Variants in FOXP1 observed in about 807,000 individuals in gnomAD.
The protein encoded by FOXP1 is forkhead box protein P1.
FOXP1 carries 15 observed loss-of-function variants against 98.2 expected under a neutral mutation model. That is an observed-to-expected ratio of 0.15 (90% confidence interval 0.10 to 0.24). The LOEUF (loss-of-function observed/expected upper bound fraction) is 0.24, where lower values mean the gene tolerates loss of function less well. Ranked by LOEUF, FOXP1 falls within the 10% of genes least tolerant of loss-of-function variation. The probability of loss-of-function intolerance (pLI) is 1.00; values close to 1 mark genes in which losing one functional copy is unlikely to be tolerated. For missense variants in FOXP1, 633 were observed against 848.5 expected, an observed-to-expected ratio of 0.75 and a Z score of 3.15; for synonymous variants, 371 against 314.5, an observed-to-expected ratio of 1.18 and a Z score of -1.90.
chr3:71,102,160 G>C (rs2057022231), intron 7 of FOXP1, among the ~76,000 whole-genome samples: 1 of 152,078 alleles, frequency 6.6e-6, no homozygotes, highest in Non-Finnish European at 1.5e-5. Context: ...TTAAAATTTT[G>C]AGAGCGACTA....
At chr3:71,233,737 G>C (rs2066537483) in intron 5 of FOXP1, among the ~76,000 whole-genome samples, 1 of 151,590 alleles carries the variant, frequency 6.6e-6, no homozygotes, top group Non-Finnish European at 1.5e-5. Flanking sequence ...TCTGATTCCT[G>C]GGGACCCCAA....
At chr3:71,441,259 C>T (rs895442545) in intron 3 of FOXP1, among the ~76,000 whole-genome samples, 8 of 152,182 alleles carry the variant, frequency 5.3e-5, no homozygotes, top group Admixed American at 3.3e-4. Flanking sequence ...TTAACCCCTA[C>T]GGGACATACA....
At chr3:71,264,420 G>A (rs1357191657) in intron 5 of FOXP1, among the ~76,000 whole-genome samples, 1 of 152,168 alleles carries the variant, frequency 6.6e-6, no homozygotes, top group Non-Finnish European at 1.5e-5. Context: ...CATAATTCCA[G>A]AGTGCACTCA....
At chr3:70,979,713 C>CAAAG (rs1229263669) in intron 14 of FOXP1, among the ~76,000 whole-genome samples, 1 of 147,434 alleles carries the variant, frequency 6.8e-6, no homozygotes, top group Non-Finnish European at 1.5e-5. Flanking sequence ...AGATCATAAT[C>CAAAG]AAAGAACTTA....
intron 6 of FOXP1, among the ~76,000 whole-genome samples, chr3:71,116,195 T>C (rs763788277): frequency 6.6e-6 from 1 of 152,182 alleles, no homozygotes; most frequent in Non-Finnish European, 1.5e-5. Flanking sequence ...ATTCTTCTGG[T>C]TTGAAGGGGG....
At chr3:71,077,548 C>A (rs2053926343) in intron 7 of FOXP1, among the ~76,000 whole-genome samples, 1 of 152,146 alleles carries the variant, frequency 6.6e-6, no homozygotes, top group Non-Finnish European at 1.5e-5. Context: ...GGTCACCAAC[C>A]TAGCCATCTT....
At chr3:71,148,481 C>T (rs1008646320) in intron 6 of FOXP1, among the ~76,000 whole-genome samples, 48 of 152,148 alleles carry the variant, frequency 3.2e-4, no homozygotes, top group Admixed American at 8.5e-4. Context: ...ATTTGTTTTA[C>T]TGATTTGTTT....
At chr3:71,368,132 A>ATTTC (rs1307071690) in intron 3 of FOXP1, among the ~76,000 whole-genome samples, 5 of 151,784 alleles carry the variant, frequency 3.3e-5, no homozygotes, top group Non-Finnish European at 7.4e-5. Context: ...TTATTTATTT[A>ATTTC]TTTATTTTTT....
intron 5 of FOXP1, among the ~76,000 whole-genome samples, chr3:71,276,659 C>T (rs57614279): frequency 0.12 from 18,036 of 152,018 alleles, 1,471 homozygotes; most frequent in East Asian, 0.45. Context: ...CATGGTGATG[C>T]ATAGATACAG....
At chr3:70,967,692 T>TTTTTTTG in intron 19 of FOXP1, among the ~76,000 whole-genome samples, 6 of 120,032 alleles carry the variant, frequency 5.0e-5, no homozygotes, top group African/African-American at 2.3e-4. Flanking sequence ...TATTTGTTTT[T>TTTTTTTG]TTTTTTTGTT....
intron 11 of FOXP1, among the ~76,000 whole-genome samples, chr3:71,023,405 C>T (rs1034009106): frequency 6.6e-6 from 1 of 152,160 alleles, no homozygotes; most frequent in Non-Finnish European, 1.5e-5. Flanking sequence ...AAATCAGACA[C>T]CTTGGGTTTC....
intron 4 of FOXP1, chr3:71,332,320 A>G (rs1361752739): frequency 6.4e-6 from 1 of 156,070 alleles, no homozygotes; most frequent in Non-Finnish European, 1.4e-5. Context: ...TGAGCCAGCG[A>G]GACCACGAAC....
chr3:71,453,458 T>G (rs1322706788), intron 3 of FOXP1, among the ~76,000 whole-genome samples: 1 of 152,190 alleles, frequency 6.6e-6, no homozygotes, highest in East Asian at 1.9e-4. Flanking sequence ...AAAGCAGATT[T>G]GCAGTGTGAT....
intron 13 of FOXP1, among the ~76,000 whole-genome samples, chr3:70,995,594 G>A (rs2041251874): frequency 1.3e-5 from 2 of 152,288 alleles, no homozygotes; most frequent in African/African-American, 2.4e-5. Flanking sequence ...TATGTGTATA[G>A]TATAAGGAAC....
chr3:71,009,388 AC>A (rs1407116508), intron 12 of FOXP1, among the ~76,000 whole-genome samples: 1 of 152,070 alleles, frequency 6.6e-6, no homozygotes, highest in African/African-American at 2.4e-5. Flanking sequence ...CTGCTTTTGT[AC>A]CCCAATGGCA....
At chr3:71,258,305 A>T (rs1216747948) in intron 5 of FOXP1, among the ~76,000 whole-genome samples, 1 of 152,300 alleles carries the variant, frequency 6.6e-6, no homozygotes, top group East Asian at 1.9e-4. Context: ...GATGAGTAGG[A>T]TGTTAATAGG....
chr3:71,396,356 C>T (rs1044839710), intron 3 of FOXP1, among the ~76,000 whole-genome samples: 1 of 152,122 alleles, frequency 6.6e-6, no homozygotes, highest in Non-Finnish European at 1.5e-5. Flanking sequence ...GCACCTGGGA[C>T]GTTAGTTTAA....
At chr3:71,226,005 C>T (rs1377184390) in intron 5 of FOXP1, among the ~76,000 whole-genome samples, 1 of 152,228 alleles carries the variant, frequency 6.6e-6, no homozygotes, top group Non-Finnish European at 1.5e-5. Flanking sequence ...GGTAGCTTTG[C>T]AAGCTGAGTG....
chr3:71,100,664 C>G (rs1220174904), intron 7 of FOXP1, among the ~76,000 whole-genome samples: 1 of 152,214 alleles, frequency 6.6e-6, no homozygotes, highest in African/African-American at 2.4e-5. Flanking sequence ...AAGGTCTTCT[C>G]TCTAAACAGC....
Sources: allele counts gnomAD v4.1 joint callset (sites outside exome capture counted in the v4.1 genomes callset), GRCh38; gene constraint gnomAD v4.1.1; transcripts MANE v1.5; gene names NCBI Gene and HGNC (gene_info 2026-07-23, HGNC 2026-07-21).